Variants in PRKD1 observed in about 807,000 individuals in gnomAD.
PRKD1 encodes the protein protein kinase D1, also known as serine/threonine-protein kinase D1.
A neutral mutation model predicts 95.9 loss-of-function variants in PRKD1; 63 were observed. The ratio of observed to expected loss-of-function variants is 0.66; its 90% confidence interval spans 0.54 to 0.81. The LOEUF (loss-of-function observed/expected upper bound fraction) is 0.81. Among genes scored for constraint, PRKD1 ranks in the 30% least tolerant of loss-of-function variants. PRKD1 has a pLI of 0.00. For missense variants in PRKD1, 1,048 were observed against 1,165.3 expected, an observed-to-expected ratio of 0.90 and a Z score of 1.47; for synonymous variants, 425 against 423.1, an observed-to-expected ratio of 1.00 and a Z score of -0.05.
At chr14:29,629,428 A>C (rs1016551793) in intron 10 of PRKD1, among the ~76,000 whole-genome samples, 50 of 152,234 alleles carry the variant, frequency 3.3e-4, no homozygotes, top group Non-Finnish European at 3.5e-4. Flanking sequence ...GTTGTAAAAC[A>C]GGCAAATCGT....
At chr14:29,655,793 C>T (rs1286322277) in intron 4 of PRKD1, among the ~76,000 whole-genome samples, 1 of 151,760 alleles carries the variant, frequency 6.6e-6, no homozygotes, top group Non-Finnish European at 1.5e-5. Flanking sequence ...CATTTGTATA[C>T]CATTTTTAAA....
In PRKD1 at chr14:29,811,875, A is replaced by G. The variant is rs532702707; in HGVS notation, c.265-86201T>C. The G allele has an allele frequency of 2.6e-5, 4 of 152,350 alleles. No individual in the cohort carries two copies. The East Asian group carries it at 5.8e-4, about 22-fold the overall frequency. The allele number at this position is 152,350 out of a possible 1,614,324, so 9.4% of individuals were successfully genotyped here. ...CCCCAAACAATTGCTCTCATCACTG[A>G]GTAATGAAGCCAGTCCCGATGCATA... On this transcript the variant is annotated intron_variant, in intron 1 of 17. Transcript: ENST00000331968.
At chr14:29,898,831 A>G (rs1894221311) in intron 1 of PRKD1, among the ~76,000 whole-genome samples, 1 of 152,184 alleles carries the variant, frequency 6.6e-6, no homozygotes, top group Non-Finnish European at 1.5e-5. Context: ...ATATTTCTTT[A>G]TAAGCAAAAA....
At chr14:29,711,885 C>A (rs1885350721) in intron 2 of PRKD1, among the ~76,000 whole-genome samples, 1 of 152,132 alleles carries the variant, frequency 6.6e-6, no homozygotes, top group Non-Finnish European at 1.5e-5. Context: ...GTTTACTGGT[C>A]AGTTCTCACA....
intron 2 of PRKD1, among the ~76,000 whole-genome samples, chr14:29,712,272 A>C (rs561516855): frequency 6.6e-6 from 1 of 152,156 alleles, no homozygotes; most frequent in East Asian, 1.9e-4. Context: ...TTTCCCCTAA[A>C]TAGGGGACTA....
At chr14:29,787,815 G>A (rs1037627712) in intron 1 of PRKD1, among the ~76,000 whole-genome samples, 8 of 152,046 alleles carry the variant, frequency 5.3e-5, no homozygotes, top group African/African-American at 1.9e-4. Flanking sequence ...TTTTAATTGG[G>A]GAATTTAAAC....
intron 1 of PRKD1, among the ~76,000 whole-genome samples, chr14:29,861,463 G>A (rs1335973519): frequency 6.6e-6 from 1 of 152,096 alleles, no homozygotes; most frequent in African/African-American, 2.4e-5. Flanking sequence ...TGTGGTACAT[G>A]AGATATTCTG....
intron 1 of PRKD1, among the ~76,000 whole-genome samples, chr14:29,735,239 T>A (rs1408896397): frequency 2.0e-5 from 3 of 152,162 alleles, no homozygotes; most frequent in Non-Finnish European, 4.4e-5. Context: ...AGAGTGCATT[T>A]TTAGGATAAG....
chr14:29,607,610 C>T lies in PRKD1; in HGVS notation c.1906-7793G>A, dbSNP rs553300189. Among the ~76,000 whole-genome samples, 8 of 152,284 alleles carry T rather than the reference C, an allele frequency of 5.3e-5. No homozygotes were observed. The South Asian group carries it at 1.7e-3, about 32-fold the overall frequency. On this transcript the variant is annotated intron_variant, in intron 13 of 17. Transcript: ENST00000331968. ...CTGAATTCCTCATGATGTTGCTCCC[C>T]ACATCTAACCAGCTACTGCGTGTGG...
At chr14:29,596,299 A>C (rs1035614645) in intron 16 of PRKD1, among the ~76,000 whole-genome samples, 6 of 152,244 alleles carry the variant, frequency 3.9e-5, no homozygotes, top group African/African-American at 1.2e-4. Flanking sequence ...GCCTTTTCAC[A>C]TGGTGAACAT....
chr14:29,686,043 C>T (rs560150633), intron 2 of PRKD1, among the ~76,000 whole-genome samples: 10 of 152,234 alleles, frequency 6.6e-5, no homozygotes, highest in Admixed American at 4.6e-4. Flanking sequence ...GACACGATGC[C>T]GTTTTGGATT....
At chr14:29,638,140 G>A (rs1431345526) in intron 6 of PRKD1, among the ~76,000 whole-genome samples, 1 of 152,058 alleles carries the variant, frequency 6.6e-6, no homozygotes, top group Non-Finnish European at 1.5e-5. Context: ...GAAGGACAGA[G>A]GAAAAGAGAC....
Position 29,577,394 on chromosome 14 carries a change from G to C in PRKD1, c.2583C>G (p.Thr861=). 1 of 1,613,744 alleles carries C rather than the reference G, an allele frequency of 6.2e-7. No homozygotes were observed. The highest frequency in any genetic ancestry group is 1.1e-5 in the South Asian group (1 of 91,082). Residue 861 remains threonine, a synonymous_variant, in exon 18 of 18, where the codon ACC becomes ACG. Transcript: ENST00000331968. ...LECKIGERYI[T]HESDDLRWEK... ...CCCACCTCAGGTCATCACTTTCATG[G>C]GTGATGTAGCGCTCCCCGATTTTGC...
At chr14:29,869,849 T>C (rs1296127313) in intron 1 of PRKD1, among the ~76,000 whole-genome samples, 4 of 152,170 alleles carry the variant, frequency 2.6e-5, no homozygotes, top group Non-Finnish European at 5.9e-5. Context: ...CTTCCTCTTT[T>C]TATTTTGGCC....
chr14:29,778,340 A>G (rs919506949), intron 1 of PRKD1, among the ~76,000 whole-genome samples: 5 of 152,134 alleles, frequency 3.3e-5, no homozygotes, highest in African/African-American at 1.2e-4. Context: ...AAATCAATGA[A>G]TCCAGGAGCT....
chr14:29,622,231 C>T (rs1594369767), intron 13 of PRKD1, among the ~76,000 whole-genome samples: 1 of 152,002 alleles, frequency 6.6e-6, no homozygotes, highest in African/African-American at 2.4e-5. Context: ...TGCTTTCTGG[C>T]CCACCGCACA....
chr14:29,676,395 G>A (rs542400199), intron 2 of PRKD1, among the ~76,000 whole-genome samples: 3 of 151,942 alleles, frequency 2.0e-5, no homozygotes, highest in Non-Finnish European at 4.4e-5. Flanking sequence ...TCGCTATGTC[G>A]CCAGGCTGAA....
intron 16 of PRKD1, among the ~76,000 whole-genome samples, chr14:29,580,802 T>C (rs1293582830): frequency 2.0e-5 from 3 of 152,138 alleles, no homozygotes; most frequent in Non-Finnish European, 4.4e-5. Flanking sequence ...TGTAATAAAA[T>C]AGTCTCAGAT....
At chr14:29,880,238 TTGCTGAG>T (rs1594598399) in intron 1 of PRKD1, among the ~76,000 whole-genome samples, 2 of 152,178 alleles carry the variant, frequency 1.3e-5, no homozygotes, top group Non-Finnish European at 2.9e-5. Context: ...CAGGGTCCCC[TTGCTGAG>T]TGCAGCCTGG....
Sources: allele counts gnomAD v4.1 joint callset (sites outside exome capture counted in the v4.1 genomes callset), GRCh38; gene constraint gnomAD v4.1.1; transcripts MANE v1.5; gene names NCBI Gene and HGNC (gene_info 2026-07-23, HGNC 2026-07-21).